Variants in GALNT13 observed in about 807,000 individuals in gnomAD.
GALNT13 encodes polypeptide N-acetylgalactosaminyltransferase 13.
GALNT13 carries 28 observed loss-of-function variants against 64.2 expected under a neutral mutation model. The observed-to-expected ratio is 0.44, with a 90% CI of 0.32 to 0.60. The LOEUF (loss-of-function observed/expected upper bound fraction) is 0.60, where lower values mean the gene tolerates loss of function less well. Ranked by LOEUF, GALNT13 falls within the 20% of genes least tolerant of loss-of-function variation. The pLI, the probability that GALNT13 is intolerant of heterozygous loss-of-function variation, is 0.05. For missense variants in GALNT13, 577 were observed against 669.8 expected (o/e 0.86, Z 1.53); for synonymous variants, 214 against 224.6 (o/e 0.95, Z 0.42).
the GALNT13 span, among the ~76,000 whole-genome samples, chr2:153,176,232 C>A: frequency 6.6e-6 from 1 of 152,184 alleles, no homozygotes; most frequent in Non-Finnish European, 1.5e-5. Context: ...CCAGCCCCAA[C>A]ACAGCTAAAT....
At chr2:153,631,355 T>C in the GALNT13 span, among the ~76,000 whole-genome samples, 3 of 152,304 alleles carry the variant, frequency 2.0e-5, no homozygotes, top group East Asian at 5.8e-4. Context: ...CAAATGGTAT[T>C]TCTAGTTCTA....
At chr2:154,040,564 T>C (rs1348464512) in intron 3 of GALNT13, among the ~76,000 whole-genome samples, 4 of 140,630 alleles carry the variant, frequency 2.8e-5, no homozygotes, top group African/African-American at 9.8e-5. Context: ...ATAGTGCTAA[T>C]ACTTCTTGGA....
At chr2:153,266,365 C>T in the GALNT13 span, among the ~76,000 whole-genome samples, 7 of 152,292 alleles carry the variant, frequency 4.6e-5, no homozygotes, top group East Asian at 1.3e-3. Flanking sequence ...AACCTTACAA[C>T]TCTAAATGTA....
the GALNT13 span, among the ~76,000 whole-genome samples, chr2:153,758,736 G>A: frequency 6.6e-6 from 1 of 152,052 alleles, no homozygotes; most frequent in Non-Finnish European, 1.5e-5. Context: ...GGGATTACAG[G>A]CCTGTGTGCC....
chr2:153,073,860 T>TC, the GALNT13 span, among the ~76,000 whole-genome samples: 2 of 152,088 alleles, frequency 1.3e-5, no homozygotes, highest in Admixed American at 6.6e-5. Flanking sequence ...TTCTTCATCT[T>TC]CCCCCCTCCC....
the GALNT13 span, among the ~76,000 whole-genome samples, chr2:153,081,412 A>G: frequency 0.037 from 5,665 of 152,156 alleles, 365 homozygotes; most frequent in African/African-American, 0.13. Context: ...TAATTAAGCT[A>G]TTATTGATTC....
the GALNT13 span, among the ~76,000 whole-genome samples, chr2:153,256,255 G>A: frequency 5.3e-5 from 8 of 151,240 alleles, no homozygotes; most frequent in Admixed American, 1.3e-4. Context: ...CCAGTTGATC[G>A]CATCAGCTCC....
At chr2:154,253,516 A>C (rs993927600) in intron 7 of GALNT13, among the ~76,000 whole-genome samples, 3 of 152,116 alleles carry the variant, frequency 2.0e-5, no homozygotes, top group African/African-American at 4.8e-5. Flanking sequence ...ACTATCACAA[A>C]CTAGGCACTG....
At chr2:153,345,719 G>GTCCGTCCGTCCTTCCT in the GALNT13 span, among the ~76,000 whole-genome samples, 979 of 80,026 alleles carry the variant, frequency 0.012, 38 homozygotes, top group Non-Finnish European at 0.014. Context: ...CTCTCTTTCT[G>GTCCGTCCGTCCTTCCT]TCCTTCCTTC....
chr2:154,298,913 CTTAA>C (rs1351757016), intron 8 of GALNT13, among the ~76,000 whole-genome samples: 3 of 138,470 alleles, frequency 2.2e-5, no homozygotes, highest in Admixed American at 7.8e-5. Context: ...TCATTAGAAT[CTTAA>C]TTGTCTTTCT....
intron 7 of GALNT13, among the ~76,000 whole-genome samples, chr2:154,246,484 C>T (rs1056438829): frequency 6.6e-6 from 1 of 152,016 alleles, no homozygotes; most frequent in Non-Finnish European, 1.5e-5. Flanking sequence ...CAAATTACTT[C>T]AAATACTACT....
chr2:153,435,020 A>C, the GALNT13 span, among the ~76,000 whole-genome samples: 2 of 152,292 alleles, frequency 1.3e-5, no homozygotes, highest in Non-Finnish European at 2.9e-5. Flanking sequence ...TGTGTAAGGA[A>C]GGGATCCAGT....
At chr2:154,120,235 T>C (rs1417988027) in intron 3 of GALNT13, among the ~76,000 whole-genome samples, 1 of 152,148 alleles carries the variant, frequency 6.6e-6, no homozygotes, top group Non-Finnish European at 1.5e-5. Context: ...GAGCTTCTGG[T>C]TGGGCTCTAC....
chr2:153,650,689 C>A, the GALNT13 span, among the ~76,000 whole-genome samples: 1 of 152,102 alleles, frequency 6.6e-6, no homozygotes, highest in Non-Finnish European at 1.5e-5. Context: ...ATTTGCTTGT[C>A]TGCAAAGTAT....
intron 3 of GALNT13, among the ~76,000 whole-genome samples, chr2:154,043,696 G>T (rs1418444770): frequency 6.6e-6 from 1 of 151,926 alleles, no homozygotes; most frequent in Non-Finnish European, 1.5e-5. Context: ...CATAGGAAGA[G>T]ACACAAGGTC....
the GALNT13 span, among the ~76,000 whole-genome samples, chr2:153,759,587 A>G: frequency 2.0e-5 from 3 of 152,098 alleles, no homozygotes; most frequent in Admixed American, 6.6e-5. Flanking sequence ...CCTTCATTCT[A>G]TTAATGAGGT....
the GALNT13 span, among the ~76,000 whole-genome samples, chr2:153,264,299 G>A: frequency 3.3e-5 from 5 of 152,324 alleles, no homozygotes; most frequent in East Asian, 1.9e-4. Context: ...AGATGCTAGC[G>A]AGGCTGTGGA....
intron 3 of GALNT13, among the ~76,000 whole-genome samples, chr2:153,964,038 G>A (rs901024342): frequency 6.6e-6 from 1 of 151,682 alleles, no homozygotes; most frequent in African/African-American, 2.4e-5. Context: ...TTTAATTTTG[G>A]TGTAGAGGGT....
intron 2 of GALNT13, among the ~76,000 whole-genome samples, chr2:153,931,260 T>C (rs1690497783): frequency 6.6e-6 from 1 of 150,788 alleles, no homozygotes; most frequent in Non-Finnish European, 1.5e-5. Flanking sequence ...GACTGTAGGG[T>C]TTTCTAGTAT....
Sources: gnomAD v4.1 joint callset for allele counts (sites outside exome capture counted in the v4.1 genomes callset) on GRCh38, gnomAD v4.1.1 for gene constraint, MANE v1.5 for transcripts, NCBI Gene and HGNC (gene_info 2026-07-23, HGNC 2026-07-21) for gene names.